The following L2HGDH variants were observed in gnomAD, a reference collection of about 807,000 sequenced individuals.
L2HGDH encodes L-2-hydroxyglutarate dehydrogenase, mitochondrial.
Under a neutral mutation model 51.5 loss-of-function variants are expected in L2HGDH, and 34 were observed. That is an observed-to-expected ratio of 0.66 (90% CI 0.50 to 0.88). The LOEUF (loss-of-function observed/expected upper bound fraction) is 0.88, where lower values mean the gene tolerates loss of function less well. L2HGDH is among the 40% of genes least tolerant of loss of function. The pLI is 0.00. For missense variants in L2HGDH, 558 were observed against 571.9 expected (o/e 0.98, Z 0.25); for synonymous variants, 198 against 197.9 (o/e 1.00, Z -0.01).
At position 50,284,048 on chromosome 14, in the gene L2HGDH, T is replaced by C. The variant is rs766747221; in HGVS notation, c.541-15A>G. ...GCCATTAGACCCTGAAACAGAATTA[T>C]GAAAAGATAACAGATAAGAGAAATA... On this transcript the variant is annotated splice_polypyrimidine_tract_variant and intron_variant, in intron 4 of 9. Coordinates refer to ENST00000267436, the MANE Select transcript of L2HGDH (RefSeq NM_024884.3). The C allele has an allele frequency of 6.5e-5, 105 of 1,609,138 alleles. No homozygotes were observed. The highest frequency in any genetic ancestry group is 8.5e-5 in the Non-Finnish European group (100 of 1,175,804).
At chr14:50,265,751 C>A (rs1219733750) in intron 8 of L2HGDH, among the ~76,000 whole-genome samples, 2 of 151,940 alleles carry the variant, frequency 1.3e-5, no homozygotes, top group African/African-American at 2.4e-5. Context: ...CTGTCTCTAC[C>A]AAAAATACAA....
chr14:50,287,254 A>T, intron 4 of L2HGDH: 1 of 984,970 alleles, frequency 1.0e-6, no homozygotes, highest in Non-Finnish European at 1.2e-6. Flanking sequence ...ACATCTGAAA[A>T]GTTTTGTTTT....
chr14:50,305,052 TA>T (rs1490958533), intron 1 of L2HGDH, among the ~76,000 whole-genome samples: 1 of 152,204 alleles, frequency 6.6e-6, no homozygotes, highest in Non-Finnish European at 1.5e-5. Context: ...TTAGAATTGC[TA>T]CCACATCTTT....
intron 9 of L2HGDH, among the ~76,000 whole-genome samples, chr14:50,255,549 A>AAG (rs551517924): frequency 6.6e-5 from 10 of 150,910 alleles, no homozygotes; most frequent in East Asian, 1.9e-4. Context: ...AAAAAAAAAA[A>AAG]AAAAGAAAAG....
chr14:50,293,185 G>A (rs1441302822), intron 4 of L2HGDH: 2 of 701,566 alleles, frequency 2.9e-6, no homozygotes, highest in Non-Finnish European at 5.2e-6. Flanking sequence ...ATGGAGTCCA[G>A]ACATAGACCC....
At chr14:50,286,665 T>C (rs1231791340) in intron 4 of L2HGDH, among the ~76,000 whole-genome samples, 3 of 152,188 alleles carry the variant, frequency 2.0e-5, no homozygotes, top group Non-Finnish European at 4.4e-5. Context: ...TCCCTAAATA[T>C]ATGAAACACT....
intron 9 of L2HGDH, among the ~76,000 whole-genome samples, chr14:50,253,016 G>C (rs142922766): frequency 1.3e-5 from 2 of 152,158 alleles, no homozygotes; most frequent in East Asian, 3.9e-4. Flanking sequence ...CATTCTCAGG[G>C]ATAGACCATA....
At chr14:50,291,221 A>AC (rs2037623456) in intron 4 of L2HGDH, among the ~76,000 whole-genome samples, 2 of 151,178 alleles carry the variant, frequency 1.3e-5, no homozygotes, top group African/African-American at 2.4e-5. Context: ...AAAAAAAAAA[A>AC]AAACAAACAA....
chr14:50,311,912 C>T, intron 1 of L2HGDH, 99 bp downstream of exon 1: 15 of 1,494,476 alleles, frequency 1.0e-5, no homozygotes, highest in Non-Finnish European at 1.3e-5. Flanking sequence ...CTGCTCTCAC[C>T]CCGGGACAGG....
chr14:50,291,222 A>C (rs928069771), intron 4 of L2HGDH, among the ~76,000 whole-genome samples: 1 of 151,074 alleles, frequency 6.6e-6, no homozygotes, highest in Admixed American at 6.6e-5. Flanking sequence ...AAAAAAAAAA[A>C]AACAAACAAA....
intron 9 of L2HGDH, among the ~76,000 whole-genome samples, chr14:50,261,348 G>A (rs796966985): frequency 2.4e-4 from 37 of 152,270 alleles, no homozygotes; most frequent in African/African-American, 7.9e-4. Flanking sequence ...CCCCACAGAA[G>A]ACATTTTCCA....
chr14:50,280,164 G>A (rs1890188592), intron 5 of L2HGDH, among the ~76,000 whole-genome samples: 1 of 150,274 alleles, frequency 6.7e-6, no homozygotes, highest in African/African-American at 2.4e-5. Context: ...ATGGGTCACT[G>A]CTTTTTTTTT....
intron 1 of L2HGDH, chr14:50,311,349 A>G (rs2031155946): frequency 2.2e-6 from 1 of 455,942 alleles, no homozygotes; most frequent in South Asian, 1.5e-5. Flanking sequence ...ACTAAACTTC[A>G]GTCACACTCA....
chr14:50,291,174 G>A (rs1457335638), intron 4 of L2HGDH, among the ~76,000 whole-genome samples: 1 of 142,654 alleles, frequency 7.0e-6, no homozygotes, highest in Non-Finnish European at 1.5e-5. Flanking sequence ...CTCCAGCTTG[G>A]GGGACAGACT....
intron 6 of L2HGDH, among the ~76,000 whole-genome samples, chr14:50,272,440 A>T (rs1463842653): frequency 1.3e-5 from 2 of 152,218 alleles, no homozygotes; most frequent in African/African-American, 2.4e-5. Context: ...ATCTGATGGT[A>T]ATCGAAGGGT....
intron 1 of L2HGDH, among the ~76,000 whole-genome samples, 153 bp downstream of exon 1, chr14:50,311,858 G>A (rs1047642381): frequency 6.6e-5 from 10 of 152,210 alleles, no homozygotes; most frequent in Non-Finnish European, 4.4e-5. Flanking sequence ...CCTGCAGGTT[G>A]GTAGCTCCTG....
chr14:50,265,286 A>C, intron 9 of L2HGDH, 72 bp downstream of exon 9: 4 of 1,344,390 alleles, frequency 3.0e-6, no homozygotes, highest in Non-Finnish European at 4.3e-6. Flanking sequence ...CTTACTAATC[A>C]CCAAGTCAGA....
At chr14:50,292,167 C>T (rs541392688) in intron 4 of L2HGDH, among the ~76,000 whole-genome samples, 1 of 152,162 alleles carries the variant, frequency 6.6e-6, no homozygotes, top group East Asian at 1.9e-4. Flanking sequence ...TAAATTAAAA[C>T]AGATCCAGAC....
Position 50,245,087 on chromosome 14 carries a change from G to A in L2HGDH, c.*1971C>T, listed in dbSNP as rs778003767. ...GGCATCAACTTAAAATACTCATGAGGTGAATGTAAGGCACTTTCGCGGTTT... is the reference window on the plus strand; with the variant it reads ...GGCATCAACTTAAAATACTCATGAGATGAATGTAAGGCACTTTCGCGGTTT... On this transcript the variant is annotated 3_prime_UTR_variant, in exon 10 of 10. Transcript: ENST00000267436. The A allele has an allele frequency of 1.1e-5, 11 of 985,644 alleles. No individual in the cohort carries two copies. The East Asian group carries it at 1.1e-3, about 102-fold the overall frequency. The allele number at this position is 985,644 out of a possible 1,614,324, so 61.1% of individuals were successfully genotyped here. A position where few individuals can be genotyped will look rare whatever the true frequency, so the allele number is the denominator to read the frequency against.
Sources: gnomAD v4.1 joint callset for allele counts (sites outside exome capture counted in the v4.1 genomes callset) on GRCh38, gnomAD v4.1.1 for gene constraint, MANE v1.5 for transcripts, NCBI Gene and HGNC (gene_info 2026-07-23, HGNC 2026-07-21) for gene names.